Variants in SFMBT2 observed in about 807,000 individuals in gnomAD.
SFMBT2 encodes scm-like with four MBT domains protein 2.
Under a neutral mutation model 110.1 loss-of-function variants are expected in SFMBT2, and 38 were observed. That is an observed-to-expected ratio of 0.35 (90% CI 0.27 to 0.45). The LOEUF is 0.45. Among genes scored for constraint, SFMBT2 ranks in the 20% least tolerant of loss-of-function variants. The pLI is 1.00. For synonymous variants in SFMBT2, 425 were observed against 425.4 expected (o/e 1.00, Z 0.01); for missense variants, 1,011 against 1,094.9 (o/e 0.92, Z 1.08).
rs56871421 is a variant in SFMBT2 at position 7,228,738 on chromosome 10, T to TTCTCTCTC, written c.1121-809_1121-802dup. On this transcript the variant is annotated intron_variant, in intron 9 of 20. Transcript: ENST00000397167. ...TTCTTTCTTTCTTTCTTTCTTTCCT[T>TTCTCTCTC]TCTCTCTCTCTCTCTCTCTCTCTCT... Among the ~76,000 whole-genome samples the TTCTCTCTC allele has an allele frequency of 2.7e-4, 17 of 62,544 alleles. 1 individual carries two copies. The highest frequency in any genetic ancestry group is 1.1e-3 in the South Asian group (2 of 1,742). The allele number at this position is 62,544 out of a possible 152,430, so 41.0% of individuals were successfully genotyped here. A position where few individuals can be genotyped will look rare whatever the true frequency, so the allele number is the denominator to read the frequency against.
chr10:7,319,638 A>G (rs990847049), intron 4 of SFMBT2, among the ~76,000 whole-genome samples: 30 of 152,076 alleles, frequency 2.0e-4, no homozygotes, highest in Admixed American at 3.9e-4. Flanking sequence ...ACTAGGTGCT[A>G]CCAAAGAGAG....
At chr10:7,363,352 CTCT>C (rs962268714) in intron 4 of SFMBT2, among the ~76,000 whole-genome samples, 2 of 151,976 alleles carry the variant, frequency 1.3e-5, no homozygotes, top group African/African-American at 4.8e-5. Context: ...ATTAAACCTC[CTCT>C]TTTTTTTTTT....
chr10:7,205,443 T>C (rs1051614584), intron 12 of SFMBT2: 1 of 985,232 alleles, frequency 1.0e-6, no homozygotes, highest in Non-Finnish European at 1.2e-6. Flanking sequence ...ATTAAGATTC[T>C]GTTAGGAGAA....
intron 1 of SFMBT2, among the ~76,000 whole-genome samples, chr10:7,398,552 T>G (rs1397411108): frequency 6.6e-6 from 1 of 152,250 alleles, no homozygotes; most frequent in Non-Finnish European, 1.5e-5. Context: ...ATTCCCATCC[T>G]TAGCTAAGCA....
At chr10:7,187,504 C>T (rs1027560748) in intron 16 of SFMBT2, among the ~76,000 whole-genome samples, 1 of 152,182 alleles carries the variant, frequency 6.6e-6, no homozygotes, top group Non-Finnish European at 1.5e-5. Flanking sequence ...CAAATAAACC[C>T]TCTTCTTATT....
intron 12 of SFMBT2, chr10:7,203,918 T>C (rs1314918797): frequency 6.4e-6 from 1 of 155,884 alleles, no homozygotes; most frequent in East Asian, 1.9e-4. Context: ...GGTTGTGCCA[T>C]GCTGGCCGGG....
chr10:7,273,900 A>G (rs1379059808), intron 7 of SFMBT2, among the ~76,000 whole-genome samples: 6 of 152,176 alleles, frequency 3.9e-5, no homozygotes, highest in Non-Finnish European at 7.3e-5. Context: ...AACTAGAAAT[A>G]CCATTCGACC....
chr10:7,223,903 G>A (rs933003586), intron 10 of SFMBT2, among the ~76,000 whole-genome samples: 9 of 152,264 alleles, frequency 5.9e-5, no homozygotes, highest in East Asian at 3.9e-4. Context: ...CTGGTCTCAC[G>A]ACCACCCTTT....
chr10:7,362,410 G>C (rs1844752022), intron 4 of SFMBT2, among the ~76,000 whole-genome samples: 2 of 152,146 alleles, frequency 1.3e-5, no homozygotes, highest in South Asian at 2.1e-4. Context: ...TAATTTAAAA[G>C]AGCCATGCAA....
chr10:7,408,204 G>A lies in SFMBT2; in HGVS notation c.-52+2657C>T, dbSNP rs1427308220. 6.6e-6 allele frequency among the ~76,000 whole-genome samples: 1 copy of A among 152,234 alleles called. No homozygotes were observed. Among genetic ancestry groups the A allele is most frequent in the African/African-American group, 2.4e-5 (1 of 41,470 alleles). On this transcript the variant is annotated intron_variant, in intron 1 of 20. Coordinates refer to ENST00000397167, the MANE Select transcript of SFMBT2 (RefSeq NM_001387889.1). This position sits in a 1 kb window ranked among gnomAD's most constrained non-coding sequence, Gnocchi z 5.7. ...GCCATTTTAGGCTGCTCCCCACCTCGCGGGGCCCATGGGAAAGCCGGCCCC... is the reference window on the plus strand; with the variant it reads ...GCCATTTTAGGCTGCTCCCCACCTCACGGGGCCCATGGGAAAGCCGGCCCC...
Position 7,222,891 on chromosome 10 carries a change from C to T in SFMBT2, c.1204-2354G>A, listed in dbSNP as rs907391824. Among the ~76,000 whole-genome samples, 5 of 152,070 alleles carry T rather than the reference C, an allele frequency of 3.3e-5. No homozygotes were observed. In the East Asian group the frequency reaches 5.8e-4, roughly 18 times the overall value. On this transcript the variant is annotated intron_variant, in intron 10 of 20. Transcript: ENST00000397167. ...TTCACCATGTTGGCCAGGCTGATCT[C>T]GAACTCCTGACATCTTGGCCTCCCT...
At chr10:7,339,576 G>A (rs1843826321) in intron 4 of SFMBT2, among the ~76,000 whole-genome samples, 1 of 152,178 alleles carries the variant, frequency 6.6e-6, no homozygotes, top group Admixed American at 6.5e-5. Context: ...TCAATTCAGA[G>A]CTGTGATCTT....
intron 7 of SFMBT2, among the ~76,000 whole-genome samples, chr10:7,260,614 C>T (rs1205535262): frequency 1.3e-5 from 2 of 152,176 alleles, no homozygotes; most frequent in Non-Finnish European, 2.9e-5. Context: ...AAATCTCTCC[C>T]TAAGCCAATC....
chr10:7,174,213 C>T (rs1022542479), intron 17 of SFMBT2, among the ~76,000 whole-genome samples: 6 of 152,194 alleles, frequency 3.9e-5, no homozygotes, highest in African/African-American at 1.2e-4. Context: ...CCGTGTTACT[C>T]AGTGAGCAGG....
chr10:7,314,951 G>A (rs866255664), intron 4 of SFMBT2, among the ~76,000 whole-genome samples: 8 of 146,416 alleles, frequency 5.5e-5, no homozygotes, highest in African/African-American at 1.8e-4. Context: ...AAGAGAAAGA[G>A]AGAAAGAAAA....
intron 12 of SFMBT2, chr10:7,203,160 T>G: frequency 1.1e-6 from 1 of 936,698 alleles, no homozygotes. Context: ...TCTTCCAACA[T>G]AAGCATAAAT....
At position 7,408,423 on chromosome 10, in the gene SFMBT2, T is replaced by C. The variant is rs1023131563; in HGVS notation, c.-52+2438A>G. On this transcript the variant is annotated intron_variant, in intron 1 of 20. Coordinates refer to ENST00000397167, the MANE Select transcript of SFMBT2 (RefSeq NM_001387889.1). This position sits in a 1 kb window ranked among gnomAD's most constrained non-coding sequence, Gnocchi z 5.7. Reference sequence around the variant, plus strand: ...GACCCTGTCTAGCCTCGTTCTGCGCTCCTGCAAACCACGTTGCTGCGCTAA... The same window carrying C: ...GACCCTGTCTAGCCTCGTTCTGCGCCCCTGCAAACCACGTTGCTGCGCTAA... 6.6e-6 allele frequency among the ~76,000 whole-genome samples: 1 copy of C among 152,234 alleles called. No homozygotes were observed. Among genetic ancestry groups the C allele is most frequent in the Non-Finnish European group, 1.5e-5 (1 of 68,038 alleles).
chr10:7,360,723 C>T (rs1844690142), intron 4 of SFMBT2, among the ~76,000 whole-genome samples: 1 of 152,184 alleles, frequency 6.6e-6, no homozygotes, highest in African/African-American at 2.4e-5. Context: ...TACCTACTCT[C>T]TCTGTCACAC....
chr10:7,291,942 A>G (rs576650002), intron 4 of SFMBT2, among the ~76,000 whole-genome samples: 47 of 152,336 alleles, frequency 3.1e-4, no homozygotes, highest in African/African-American at 1.0e-3. Context: ...CCCAGCATTC[A>G]GTCTCCAAGG....
Sources: gnomAD v4.1 joint callset for allele counts (sites outside exome capture counted in the v4.1 genomes callset) on GRCh38, gnomAD v4.1.1 for gene constraint, Gnocchi (gnomAD v3.1) non-coding constraint, MANE v1.5 for transcripts, NCBI Gene and HGNC (gene_info 2026-07-23, HGNC 2026-07-21) for gene names.